POM121: variants seen among roughly 807,000 people sequenced by gnomAD.
POM121 encodes the protein nuclear envelope pore membrane protein POM 121.
POM121 carries 32 observed loss-of-function variants against 81.3 expected under a neutral mutation model. The ratio of observed to expected loss-of-function variants is 0.39; its 90% CI spans 0.30 to 0.53. The LOEUF (loss-of-function observed/expected upper bound fraction) is 0.53, where lower values mean the gene tolerates loss of function less well. Among genes scored for constraint, POM121 ranks in the 20% least tolerant of loss-of-function variants. The pLI is 0.66. For synonymous variants in POM121, 514 were observed against 694.2 expected (o/e 0.74, Z 4.08); for missense variants, 1,138 against 1,614.6 (o/e 0.70, Z 5.06).
intron 3 of POM121, among the ~76,000 whole-genome samples, chr7:72,927,358 T>C (rs1363806413): frequency 1.3e-5 from 2 of 152,110 alleles, no homozygotes; most frequent in Non-Finnish European, 2.9e-5. Context: ...CTGAAGGAAA[T>C]GCTTGTGAAA....
intron 3 of POM121, among the ~76,000 whole-genome samples, chr7:72,927,268 T>A (rs1795552374): frequency 6.6e-6 from 1 of 152,226 alleles, no homozygotes; most frequent in Admixed American, 6.5e-5. Context: ...GAAAGAAGGC[T>A]CTAAGTCTTC....
chr7:72,943,485 C>G lies in POM121; in HGVS notation c.3492C>G (p.Asn1164Lys). 1.2e-6 allele frequency: 2 copies of G among 1,612,632 alleles called. No homozygotes were observed. Among genetic ancestry groups the G allele is most frequent in the Non-Finnish European group, 1.7e-6 (2 of 1,179,860 alleles). Reference sequence around the variant, plus strand: ...GCCAGAGCACACCGTTTGCCTTCAACGTGAGCAGCACAACTGAGAGCAAAC... The same window carrying G: ...GCCAGAGCACACCGTTTGCCTTCAAGGTGAGCAGCACAACTGAGAGCAAAC... Reference protein sequence around the residue: ...TTGQSTPFAFNVSSTTESKPV... With the variant: ...TTGQSTPFAFKVSSTTESKPV... Residue 1164 changes from asparagine to lysine, a missense_variant, in exon 11 of 13, where the codon AAC becomes AAG. Physicochemically the swap from Asn to Lys is moderately conservative, Grantham distance 94. Around this residue, in one of 7 missense-constraint regions of POM121, gnomAD observed 336 missense variants for 344.3 expected, o/e 0.98. Coordinates refer to ENST00000434423, the MANE Select transcript of POM121 (RefSeq NM_001387691.1).
Position 72,925,678 on chromosome 7 carries a change from CGCCCTCCCCG to C in POM121, c.558_567del (p.Pro187ArgfsTer36). 8.1e-7 allele frequency: 1 copy of C among 1,228,336 alleles called. No individual in the cohort carries two copies. The highest frequency in any genetic ancestry group is 3.0e-5 in the South Asian group (1 of 33,800). 76.1% of individuals were successfully genotyped at this position (1,228,336 alleles called of 1,614,324 possible). A position where few individuals can be genotyped will look rare whatever the true frequency, so the allele number is the denominator to read the frequency against. ...CGCTCCCCACCGCCGCGCTCCCCCC[CGCCCTCCCCG>C]CCGACCCATCGCGCTCACCACGTTT... is the stretch of plus-strand genomic sequence containing the variant. On this transcript the variant is annotated frameshift_variant, in exon 1 of 13. Coordinates refer to ENST00000434423, the MANE Select transcript of POM121 (RefSeq NM_001387691.1). LOFTEE classifies it high-confidence loss of function.
At chr7:72,949,369 T>C (rs1797923509), downstream of POM121, 2 of 855,712 alleles carry the variant, frequency 2.3e-6, no homozygotes, top group African/African-American at 1.7e-5. Flanking sequence ...ATAGCGCGGA[T>C]CTAAGGGGGA....
chr7:72,891,617 T>C lies in POM121; in HGVS notation c.-216+507T>C, dbSNP rs543671154. ...AGACAGGGTTTCACCATGTTGGCCA[T>C]GCTGGTCTTGAACTCCTGGTCTCAA... On this transcript the variant is annotated intron_variant, in intron 3 of 15. Coordinates refer to the POM121 transcript ENST00000395270. 9.8e-4 allele frequency among the ~76,000 whole-genome samples: 149 copies of C among 152,230 alleles called. 1 individual carries two copies. Among genetic ancestry groups the C allele is most frequent in the African/African-American group, 3.4e-3 (140 of 41,562 alleles).
chr7:72,925,269 C>A lies in POM121; in HGVS notation c.148C>A (p.Pro50Thr). 6.5e-7 allele frequency: 1 copy of A among 1,534,526 alleles called. No homozygotes were observed. The highest frequency in any genetic ancestry group is 8.7e-7 in the Non-Finnish European group (1 of 1,146,374). The change falls in exon 1 of 13, where the codon CCG (proline) becomes ACG (threonine). Residue 50 changes from proline to threonine, a missense_variant. By Grantham distance (38) the Pro-to-Thr change is conservative. Coordinates refer to ENST00000434423, the MANE Select transcript of POM121 (RefSeq NM_001387691.1). ...SLVGLLLYLV[P>T]AAAALAWLTV... ...GGTTGGCCTCTTACTGTACCTCGTG[C>A]CGGCTGCGGCTGCACTGGCCTGGCT...
In POM121 at chr7:72,946,423, G is replaced by A. The variant is rs1326948386; in HGVS notation, c.*189G>A. On this transcript the variant is annotated 3_prime_UTR_variant, in exon 13 of 13. Coordinates refer to ENST00000434423, the MANE Select transcript of POM121 (RefSeq NM_001387691.1). ...TGGAGGAAGCACAAGCCTCAGGGAA[G>A]GGGAAGCAGGATGCGGAGGGCCAAA... 2.1e-6 allele frequency: 3 copies of A among 1,419,302 alleles called. No individual in the cohort carries two copies. In the Admixed American group the frequency reaches 9.0e-5, roughly 42 times the overall value. 87.9% of individuals were successfully genotyped at this position (1,419,302 alleles called of 1,614,324 possible). A position where few individuals can be genotyped will look rare whatever the true frequency, so the allele number is the denominator to read the frequency against.
intron 3 of POM121, among the ~76,000 whole-genome samples, chr7:72,901,741 G>A (rs1359834295): frequency 6.6e-6 from 1 of 151,678 alleles, no homozygotes; most frequent in Non-Finnish European, 1.5e-5. Context: ...GGTCTCAAGC[G>A]ATCCTCCTAC....
At position 72,943,286 on chromosome 7, in the gene POM121, C is replaced by T. The variant is rs1451017061; in HGVS notation, c.3293C>T (p.Thr1098Met). Residue 1098 changes from threonine (T) to methionine (M), a missense_variant, in exon 11 of 13, where the codon ACG (threonine) becomes ATG (methionine). Transcript: ENST00000434423. ...VFGSTTPSPF[T>M]FGGSAAPAGS... ...GGCAGCACAACACCATCACCCTTCA[C>T]GTTTGGGGGTTCGGCAGCCCCCGCT... 6.8e-6 allele frequency: 11 copies of T among 1,609,328 alleles called. No individual in the cohort carries two copies. The highest frequency in any genetic ancestry group is 1.7e-5 in the Admixed American group (1 of 59,576).
At chr7:72,928,600 C>T (rs1795706273) in intron 4 of POM121, 135 bp downstream of exon 4, 4 of 1,052,900 alleles carry the variant, frequency 3.8e-6, no homozygotes, top group East Asian at 2.4e-5. Flanking sequence ...AAATTAGGAA[C>T]GTTTTGAGTA....
intron 4 of POM121, 143 bp downstream of exon 4, chr7:72,928,608 G>T: frequency 1.0e-6 from 1 of 960,038 alleles, no homozygotes; most frequent in Non-Finnish European, 1.6e-6. Context: ...AACGTTTTGA[G>T]TAACTTGCCA....
At chr7:72,926,705 C>A (rs1795482959) in intron 2 of POM121, 97 bp from the exon 3 acceptor site, 1 of 1,527,040 alleles carries the variant, frequency 6.5e-7, no homozygotes, top group African/African-American at 1.4e-5. Flanking sequence ...TATACTTTGG[C>A]CTGTTGGTTA....
Position 72,942,858 on chromosome 7 carries a change from C to T in POM121, c.2865C>T (p.Ser955=), listed in dbSNP as rs782183047. The T allele has an allele frequency of 2.0e-5, 31 of 1,583,138 alleles. No individual in the cohort carries two copies. The highest frequency in any genetic ancestry group is 2.0e-4 in the Middle Eastern group (1 of 4,958). Residue 955 remains serine, a synonymous_variant, in exon 11 of 13, where the codon AGC becomes AGT. Transcript: ENST00000434423. ...CGTTCAACATTCCCTTTGGCTCAAG[C>T]GCCAAGTCCCCGCTCCCATCATATC... ...TPTFNIPFGS[S]AKSPLPSYPG...
At chr7:72,945,400 T>C (rs534744919) in intron 11 of POM121, among the ~76,000 whole-genome samples, 186 bp from the exon 12 acceptor site, 282 of 151,904 alleles carry the variant, frequency 1.9e-3, no homozygotes, top group Middle Eastern at 3.4e-3. Context: ...AGAAGCAGGC[T>C]GAGCTGGGGC....
rs782194968 is a variant in POM121, at chr7:72,939,330, T to C, written c.1368-6T>C. Reference sequence around the variant, plus strand: ...CTAGACTAAATTGTTCCTTTTTTCCTGACAGAGAAGAGGAGCTGTGTCATC... The same window carrying C: ...CTAGACTAAATTGTTCCTTTTTTCCCGACAGAGAAGAGGAGCTGTGTCATC... On this transcript the variant is annotated splice_region_variant and splice_polypyrimidine_tract_variant and intron_variant, in intron 6 of 12. Transcript: ENST00000434423. 19 of 1,613,772 alleles carry C rather than the reference T, an allele frequency of 1.2e-5. No homozygotes were observed. The highest frequency in any genetic ancestry group is 1.1e-4 in the South Asian group (10 of 91,038).
At chr7:72,914,132 G>A (rs572617208) in intron 4 of POM121, among the ~76,000 whole-genome samples, 18 of 152,292 alleles carry the variant, frequency 1.2e-4, no homozygotes, top group East Asian at 3.9e-4. Context: ...GTAAGCTGCC[G>A]GACTGTGATG....
chr7:72,925,056 G>T, upstream of POM121: 1 of 1,353,544 alleles, frequency 7.4e-7, no homozygotes, highest in South Asian at 1.8e-5. Context: ...GAGGGCGCGC[G>T]ATGACGCGAC....
Position 72,925,646 on chromosome 7 carries a change from A to ACCGCCGCGCTCCCCC in POM121, c.539_540insCCCGCCGCGCTCCCC (p.Arg183_Pro187dup), listed in dbSNP as rs1795344396. The stretch of plus-strand genomic sequence containing the variant: ...CTGCCCGCCCGGCGCCGCGCTCCCC[A>ACCGCCGCGCTCCCCC]CCGCCGCGCTCCCCACCGCCGCGCT... On this transcript the variant is annotated inframe_insertion, in exon 1 of 13. Transcript: ENST00000434423. 5 of 253,202 alleles carry ACCGCCGCGCTCCCCC rather than the reference A, an allele frequency of 2.0e-5. No homozygotes were observed. The highest frequency in any genetic ancestry group is 2.2e-4 in the African/African-American group (2 of 9,084). The allele number at this position is 253,202 out of a possible 1,614,324, so 15.7% of individuals were successfully genotyped here. A position where few individuals can be genotyped will look rare whatever the true frequency, so the allele number is the denominator to read the frequency against.
chr7:72,929,854 T>G, intron 4 of POM121, 86 bp from the exon 5 acceptor site: 1 of 1,451,440 alleles, frequency 6.9e-7, no homozygotes, highest in Non-Finnish European at 9.1e-7. Context: ...CCCTTCATGT[T>G]ATTAAGAAAG....
Sources: allele counts gnomAD v4.1 joint callset (sites outside exome capture counted in the v4.1 genomes callset), GRCh38; gene constraint gnomAD v4.1.1; regional missense constraint gnomAD v4.1.1; transcripts MANE v1.5; gene names NCBI Gene and HGNC (gene_info 2026-07-23, HGNC 2026-07-21).